Variants in WDFY4 observed in about 807,000 individuals in gnomAD.
The protein encoded by WDFY4 is WDFY family member 4, also known as WD repeat- and FYVE domain-containing protein 4.
WDFY4 carries 169 observed loss-of-function variants against 351.9 expected under a neutral mutation model. That is an observed-to-expected ratio of 0.48 (90% CI 0.42 to 0.55). WDFY4 has a LOEUF of 0.55. WDFY4 is among the 20% of genes least tolerant of loss of function. The pLI, the probability that WDFY4 is intolerant of heterozygous loss-of-function variation, is 0.00. For missense variants in WDFY4, 3,803 were observed against 3,935.6 expected, an observed-to-expected ratio of 0.97 and a Z score of 0.90; for synonymous variants, 1,622 against 1,574.6, an observed-to-expected ratio of 1.03 and a Z score of -0.71.
intron 23 of WDFY4, among the ~76,000 whole-genome samples, chr10:48,795,876 A>C (rs12219280): frequency 0.059 from 8,977 of 152,142 alleles, 600 homozygotes; most frequent in East Asian, 0.34. Flanking sequence ...TGGATGCTTC[A>C]TGTTGCTGGC....
intron 19 of WDFY4, among the ~76,000 whole-genome samples, chr10:48,781,594 C>A (rs987404008): frequency 6.6e-6 from 1 of 152,208 alleles, no homozygotes; most frequent in African/African-American, 2.4e-5. Context: ...CTGCGCCTGG[C>A]TGACCAGAAA....
At chr10:48,925,240 G>A (rs904200603) in intron 47 of WDFY4, among the ~76,000 whole-genome samples, 4 of 152,318 alleles carry the variant, frequency 2.6e-5, no homozygotes, top group Non-Finnish European at 2.9e-5. Flanking sequence ...AGTGGCTTCA[G>A]ATCACTCTGT....
At chr10:48,738,171 G>A (rs1429535562) in intron 11 of WDFY4, among the ~76,000 whole-genome samples, 1 of 152,196 alleles carries the variant, frequency 6.6e-6, no homozygotes, top group African/African-American at 2.4e-5. Flanking sequence ...CCACAGAGAG[G>A]AAAGTTTTGC....
chr10:48,910,078 T>A, intron 47 of WDFY4: 1 of 661,164 alleles, frequency 1.5e-6, no homozygotes, highest in Non-Finnish European at 2.8e-6. Flanking sequence ...GGAGGTGAAG[T>A]GAATTTGAGA....
At chr10:48,917,130 G>A (rs1838623881) in intron 47 of WDFY4, among the ~76,000 whole-genome samples, 1 of 152,092 alleles carries the variant, frequency 6.6e-6, no homozygotes, top group Non-Finnish European at 1.5e-5. Context: ...AGTCTACCTA[G>A]GTCTATAGTA....
At chr10:48,881,245 C>G (rs564737210) in intron 43 of WDFY4, among the ~76,000 whole-genome samples, 42 of 152,336 alleles carry the variant, frequency 2.8e-4, no homozygotes, top group Non-Finnish European at 4.3e-4. Flanking sequence ...TTGGAAGAAC[C>G]CTGGTACCTA....
At chr10:48,944,960 A>G (rs1245746286) in intron 49 of WDFY4, among the ~76,000 whole-genome samples, 1 of 152,086 alleles carries the variant, frequency 6.6e-6, no homozygotes, top group African/African-American at 2.4e-5. Flanking sequence ...TCCAGCACTC[A>G]CTGGGATCTT....
At chr10:48,708,033 G>A (rs2063678233) in intron 1 of WDFY4, among the ~76,000 whole-genome samples, 1 of 152,108 alleles carries the variant, frequency 6.6e-6, no homozygotes, top group African/African-American at 2.4e-5. Flanking sequence ...TTATGATCGT[G>A]TTCTTACTAA....
At chr10:48,811,454 C>T (rs1226195957) in intron 29 of WDFY4, 85 bp from the exon 30 acceptor site, 25 of 1,227,244 alleles carry the variant, frequency 2.0e-5, no homozygotes, top group Middle Eastern at 1.9e-4. Context: ...GGTGGGTGGC[C>T]GGGTGTTCCT....
rs149939751 is a variant in WDFY4 at position 48,912,205 on chromosome 10, C to T, written c.7586+10342C>T. On this transcript the variant is annotated intron_variant, in intron 47 of 61. Transcript: ENST00000325239. Reference sequence around the variant, plus strand: ...TGTCATTTTCTACCAAAAGATCTAGCGTAACTGGCACCACTGTTCAAAGTA... The same window carrying T: ...TGTCATTTTCTACCAAAAGATCTAGTGTAACTGGCACCACTGTTCAAAGTA... 6.4e-3 allele frequency among the ~76,000 whole-genome samples: 973 copies of T among 152,318 alleles called. 3 individuals are homozygous for T. The highest frequency in any genetic ancestry group is 0.014 in the Middle Eastern group (4 of 294).
chr10:48,959,867 A>C, intron 53 of WDFY4, 54 bp downstream of exon 53: 1 of 1,478,430 alleles, frequency 6.8e-7, no homozygotes, highest in Non-Finnish European at 9.2e-7. Context: ...CATCCCCTCA[A>C]GTTCCACCGA....
At chr10:48,813,738 G>C (rs2067530502) in intron 30 of WDFY4, among the ~76,000 whole-genome samples, 1 of 152,224 alleles carries the variant, frequency 6.6e-6, no homozygotes, top group Non-Finnish European at 1.5e-5. Flanking sequence ...CTACATGCCA[G>C]TCTCTAGGGG....
At chr10:48,948,988 A>G (rs954435695) in intron 51 of WDFY4, among the ~76,000 whole-genome samples, 3 of 152,248 alleles carry the variant, frequency 2.0e-5, no homozygotes, top group Non-Finnish European at 4.4e-5. Context: ...GTTTAAGCTT[A>G]TTTTAGCCAG....
intron 47 of WDFY4, among the ~76,000 whole-genome samples, chr10:48,911,936 G>C (rs1417363084): frequency 6.6e-6 from 1 of 152,236 alleles, no homozygotes; most frequent in African/African-American, 2.4e-5. Context: ...GAAATGTGCT[G>C]TGTGCTGTGG....
intron 1 of WDFY4, among the ~76,000 whole-genome samples, chr10:48,695,844 G>A (rs1006418420): frequency 6.6e-6 from 1 of 152,140 alleles, no homozygotes; most frequent in African/African-American, 2.4e-5. Flanking sequence ...TGGCAATGTG[G>A]AAGTAGGTAC....
At chr10:48,968,883 C>A in intron 55 of WDFY4, 181 bp from the exon 56 acceptor site, 1 of 632,626 alleles carries the variant, frequency 1.6e-6, no homozygotes, top group Non-Finnish European at 2.7e-6. Context: ...TCCTTCTGTG[C>A]ATAAGTTCAA....
At chr10:48,712,649 A>G (rs1483212827) in intron 2 of WDFY4, among the ~76,000 whole-genome samples, 1 of 152,158 alleles carries the variant, frequency 6.6e-6, no homozygotes, top group Admixed American at 6.5e-5. Flanking sequence ...AAGATGGGAG[A>G]TTTTTCTCAG....
chr10:48,767,506 A>G (rs1315125477), intron 13 of WDFY4, among the ~76,000 whole-genome samples: 2 of 152,262 alleles, frequency 1.3e-5, no homozygotes, highest in Admixed American at 6.5e-5. Flanking sequence ...ATATCTGCTT[A>G]TGAGTCAGAA....
chr10:48,778,420 C>T (rs908391541), intron 17 of WDFY4, among the ~76,000 whole-genome samples, 191 bp from the exon 18 acceptor site: 2 of 152,276 alleles, frequency 1.3e-5, no homozygotes, highest in African/African-American at 2.4e-5. Flanking sequence ...TGTGACGGAC[C>T]TCAGGGAGAT....
Sources: allele counts gnomAD v4.1 joint callset (sites outside exome capture counted in the v4.1 genomes callset), GRCh38; gene constraint gnomAD v4.1.1; transcripts MANE v1.5; gene names NCBI Gene and HGNC (gene_info 2026-07-23, HGNC 2026-07-21).